The following RBM41 variants were observed in gnomAD, a reference collection of about 807,000 sequenced individuals.
RBM41 encodes the protein RNA binding motif protein 41.
A neutral mutation model predicts 30.8 loss-of-function variants in RBM41; 14 were observed. That is an observed-to-expected ratio of 0.45 (90% CI 0.30 to 0.71). The LOEUF (loss-of-function observed/expected upper bound fraction) is 0.71, where lower values mean the gene tolerates loss of function less well. Ranked by LOEUF, RBM41 falls within the 30% of genes least tolerant of loss-of-function variation. The pLI is 0.08. For missense variants in RBM41, 276 were observed against 326.3 expected (o/e 0.85, Z 1.19); for synonymous variants, 120 against 110.1 (o/e 1.09, Z -0.56).
In RBM41 at chrX:107,065,386, T is replaced by A. The variant is rs1935796942; in HGVS notation, c.*2141A>T. On this transcript the variant is annotated 3_prime_UTR_variant, in exon 8 of 8. Transcript: ENST00000685964. Reference sequence around the variant, plus strand: ...AATAATATTTTTGATTTTTTAAAAGTTATTTCCTCAGTGGTTGCTCTAGGG... The same window carrying A: ...AATAATATTTTTGATTTTTTAAAAGATATTTCCTCAGTGGTTGCTCTAGGG... 8.0e-6 allele frequency: 1 copy of A among 125,243 alleles called. No individual in the cohort carries two copies. The highest frequency in any genetic ancestry group is 1.6e-5 in the Non-Finnish European group (1 of 61,409). 10.3% of individuals were successfully genotyped at this position (125,243 alleles called of 1,213,427 possible).
intron 6 of RBM41, among the ~76,000 whole-genome samples, chrX:107,083,451 A>C (rs1921730196): frequency 9.0e-6 from 1 of 110,770 alleles, no homozygotes; most frequent in Non-Finnish European, 1.9e-5. Context: ...TCTGCTATTA[A>C]TTTTGGAAAA....
the RBM41 span, among the ~76,000 whole-genome samples, chrX:107,054,117 A>G: frequency 9.0e-6 from 1 of 111,027 alleles, no homozygotes; most frequent in East Asian, 2.8e-4. Context: ...AGAGAAAAAT[A>G]TGATAAGGGA....
At chrX:107,088,292 T>C (rs974504612) in intron 6 of RBM41, 144 bp downstream of exon 6, 1 of 589,517 alleles carries the variant, frequency 1.7e-6, no homozygotes, top group South Asian at 3.0e-5. Flanking sequence ...AGAGAATGAA[T>C]AGTCAAGGTC....
intron 5 of RBM41, among the ~76,000 whole-genome samples, chrX:107,095,251 A>G (rs1169310327): frequency 9.0e-6 from 1 of 111,293 alleles, no homozygotes; most frequent in Non-Finnish European, 1.9e-5. Flanking sequence ...TATCCATAAT[A>G]AAACTTTTAG....
intron 6 of RBM41, among the ~76,000 whole-genome samples, chrX:107,083,394 T>C (rs1921725735): frequency 9.0e-6 from 1 of 111,250 alleles, no homozygotes; most frequent in Non-Finnish European, 1.9e-5. Context: ...GTTCTGGTAT[T>C]TATCCTGCTT....
rs35804917 is a variant in RBM41, at chrX:107,082,815, T to TA, written c.999+5620dup. On this transcript the variant is annotated intron_variant, in intron 6 of 7. Transcript: ENST00000685964. ...CTTATAACAAAGACAAATTTGTATTTATATATATACACTAATTCCTGCAAC... is the reference window on the plus strand; with the variant it reads ...CTTATAACAAAGACAAATTTGTATTTAATATATATACACTAATTCCTGCAAC... 5.4e-5 allele frequency among the ~76,000 whole-genome samples: 6 copies of TA among 111,120 alleles called. No homozygotes were observed. In the East Asian group the frequency reaches 1.7e-3, roughly 31 times the overall value.
chrX:107,087,489 CTT>C (rs1262765340), intron 6 of RBM41, among the ~76,000 whole-genome samples: 16 of 111,784 alleles, frequency 1.4e-4, no homozygotes, highest in African/African-American at 4.9e-4. Flanking sequence ...TGTGTTGTCT[CTT>C]TGAGTAATAT....
chrX:107,054,868 T>C, the RBM41 span, among the ~76,000 whole-genome samples: 1 of 111,869 alleles, frequency 8.9e-6, no homozygotes. Flanking sequence ...AAAGCAACCA[T>C]CTAGACAATT....
At position 107,067,692 on chromosome X, in the gene RBM41, A is replaced by G. The variant is rs759201937; in HGVS notation, c.1149T>C (p.Asn383=). 7.7e-5 allele frequency: 92 copies of G among 1,192,039 alleles called. No individual in the cohort carries two copies. Among genetic ancestry groups the G allele is most frequent in the Non-Finnish European group, 1.0e-4 (91 of 887,236 alleles). The stretch of plus-strand genomic sequence containing the variant: ...GCAATGCTTGCCATGCTATCTCCTT[A>G]TCTAAAAGAGAAAGAAAAAATTTCA... The part of the protein sequence containing the change: ...MRGQAFITFP[N]KEIAWQALHL... The change falls in exon 8 of 8, where the codon AAT becomes AAC. Residue 383 remains asparagine, a splice_region_variant and synonymous_variant. Coordinates refer to ENST00000685964, the MANE Select transcript of RBM41 (RefSeq NM_001324242.2).
chrX:107,106,099 A>T (rs1170539056), intron 5 of RBM41, among the ~76,000 whole-genome samples: 1 of 112,161 alleles, frequency 8.9e-6, no homozygotes, highest in Non-Finnish European at 1.9e-5. Flanking sequence ...GAATGGGAGA[A>T]AATTTTTGCA....
At chrX:107,114,985 G>T (rs1429648124) in intron 4 of RBM41, 7 of 158,097 alleles carry the variant, frequency 4.4e-5, no homozygotes, top group Non-Finnish European at 8.4e-5. Context: ...GACACACCAG[G>T]TTCTTTCATA....
rs1259237420 is a variant in RBM41, at chrX:107,065,491, A to G, written c.*2036T>C. ...ATTCCAATGTAACAACCCTATTCCTATATAAACCCATCCCCCGCTTTGTGG... is the reference window on the plus strand; with the variant it reads ...ATTCCAATGTAACAACCCTATTCCTGTATAAACCCATCCCCCGCTTTGTGG... On this transcript the variant is annotated 3_prime_UTR_variant, in exon 8 of 8. Coordinates refer to ENST00000685964, the MANE Select transcript of RBM41 (RefSeq NM_001324242.2). 1 of 236,460 alleles carries G rather than the reference A, an allele frequency of 4.2e-6. No homozygotes were observed. Among genetic ancestry groups the G allele is most frequent in the East Asian group, 7.3e-5 (1 of 13,742 alleles). 19.5% of individuals were successfully genotyped at this position (236,460 alleles called of 1,213,427 possible). A position where few individuals can be genotyped will look rare whatever the true frequency, so the allele number is the denominator to read the frequency against.
At chrX:107,085,749 C>G (rs1921983212) in intron 6 of RBM41, among the ~76,000 whole-genome samples, 1 of 111,834 alleles carries the variant, frequency 8.9e-6, no homozygotes, top group Non-Finnish European at 1.9e-5. Context: ...TTTATAAACA[C>G]TTTTATTTTT....
Position 107,069,375 on chromosome X carries a change from G to T in RBM41, c.1027C>A (p.Arg343=). 2 of 1,204,032 alleles carry T rather than the reference G, an allele frequency of 1.7e-6. No homozygotes were observed. Among genetic ancestry groups the T allele is most frequent in the Non-Finnish European group, 2.2e-6 (2 of 890,332 alleles). The change falls in exon 7 of 8, where the codon CGG becomes AGG. Residue 343 remains arginine, a synonymous_variant. Transcript: ENST00000685964. ...KVLYLKNLSP[R]VTERDLVSLF... ...GACACAAGATCTCTTTCAGTCACCCGAGGGCTAAGGTTCTTCAGGTATAAT... is the reference window on the plus strand; with the variant it reads ...GACACAAGATCTCTTTCAGTCACCCTAGGGCTAAGGTTCTTCAGGTATAAT...
chrX:107,082,019 G>GT (rs750181881), intron 6 of RBM41, among the ~76,000 whole-genome samples: 4 of 111,719 alleles, frequency 3.6e-5, no homozygotes, highest in African/African-American at 1.3e-4. Context: ...TCCTTCACTT[G>GT]TTTTATTGCT....
intron 5 of RBM41, among the ~76,000 whole-genome samples, chrX:107,100,842 G>C (rs1301377144): frequency 8.9e-6 from 1 of 111,786 alleles, no homozygotes; most frequent in Non-Finnish European, 1.9e-5. Context: ...CCCCCAAATG[G>C]AAACAACCCA....
chrX:107,084,146 A>C (rs1331844987), intron 6 of RBM41, among the ~76,000 whole-genome samples: 2 of 108,907 alleles, frequency 1.8e-5, no homozygotes, highest in Admixed American at 9.9e-5. Context: ...AAAAAAAAAA[A>C]AAACAAATCA....
At chrX:107,104,495 A>G (rs1029168992) in intron 5 of RBM41, among the ~76,000 whole-genome samples, 11 of 111,501 alleles carry the variant, frequency 9.9e-5, no homozygotes, top group Non-Finnish European at 2.1e-4. Flanking sequence ...TCCCATTAGG[A>G]TATCAAAAAT....
chrX:107,113,278 C>A, intron 5 of RBM41, 119 bp downstream of exon 5: 1 of 837,145 alleles, frequency 1.2e-6, no homozygotes, highest in Non-Finnish European at 1.5e-6. Flanking sequence ...ATAATATGCT[C>A]CCTCTGGATC....
Sources: allele counts gnomAD v4.1 joint callset (sites outside exome capture counted in the v4.1 genomes callset), GRCh38; gene constraint gnomAD v4.1.1; transcripts MANE v1.5; gene names NCBI Gene and HGNC (gene_info 2026-07-23, HGNC 2026-07-21).